The following RFTN1 variants were observed in gnomAD, a reference collection of about 807,000 sequenced individuals.
RFTN1 encodes raftlin.
RFTN1 carries 26 observed loss-of-function variants against 46.5 expected under a neutral mutation model. The observed-to-expected ratio is 0.56, with a 90% CI of 0.41 to 0.78. The LOEUF (loss-of-function observed/expected upper bound fraction) is 0.78, where lower values mean the gene tolerates loss of function less well. Among genes scored for constraint, RFTN1 ranks in the 30% least tolerant of loss-of-function variants. The pLI is 0.00. For missense variants in RFTN1, 693 were observed against 718.7 expected, an observed-to-expected ratio of 0.96 and a Z score of 0.41; for synonymous variants, 261 against 284.2, an observed-to-expected ratio of 0.92 and a Z score of 0.82.
Position 16,382,398 on chromosome 3 carries a change from C to T in RFTN1, c.442-4296G>A, listed in dbSNP as rs1323545255. On this transcript the variant is annotated intron_variant, in intron 4 of 9. Coordinates refer to ENST00000334133, the MANE Select transcript of RFTN1 (RefSeq NM_015150.2). The surrounding 1 kb of genome is among the most constrained non-coding windows in gnomAD (Gnocchi z 4.7). ...CGTGTACTTATGGCTAAAGTAAATC[C>T]TGCTTCTCATTCTTGCATTTATAAC... 6.6e-6 allele frequency among the ~76,000 whole-genome samples: 1 copy of T among 152,140 alleles called. No homozygotes were observed. Among genetic ancestry groups the T allele is most frequent in the African/African-American group, 2.4e-5 (1 of 41,412 alleles).
In RFTN1 at chr3:16,483,071, A is replaced by C. The variant is rs1189937784; in HGVS notation, c.145+10654T>G. Among the ~76,000 whole-genome samples the C allele has an allele frequency of 1.3e-5, 2 of 152,216 alleles. No individual in the cohort carries two copies. Among genetic ancestry groups the C allele is most frequent in the South Asian group, 2.1e-4 (1 of 4,836 alleles). Reference sequence around the variant, plus strand: ...ACTTAGAAAAAATGCCATCAACGTCAGTGACTGTATGCTCAGTTCTGCTGA... The same window carrying C: ...ACTTAGAAAAAATGCCATCAACGTCCGTGACTGTATGCTCAGTTCTGCTGA... On this transcript the variant is annotated intron_variant, in intron 2 of 9. Coordinates refer to ENST00000334133, the MANE Select transcript of RFTN1 (RefSeq NM_015150.2). This position sits in a 1 kb window ranked among gnomAD's most constrained non-coding sequence, Gnocchi z 4.8.
chr3:16,319,015 G>A (rs1306185506), intron 9 of RFTN1, among the ~76,000 whole-genome samples: 3 of 152,196 alleles, frequency 2.0e-5, no homozygotes, highest in Non-Finnish European at 4.4e-5. Flanking sequence ...CAGCATGACC[G>A]TGGCTGCCTC....
Position 16,418,657 on chromosome 3 carries a change from T to G in RFTN1, c.333-9174A>C, listed in dbSNP as rs1394876139. Among the ~76,000 whole-genome samples the G allele has an allele frequency of 6.7e-6, 1 of 149,242 alleles. No homozygotes were observed. The highest frequency in any genetic ancestry group is 2.5e-5 in the African/African-American group (1 of 40,490). ...TTCCCAAAGCAACACCAAGCTCAAA[T>G]AGAATAATCAGAACAGCTTATTTTT... On this transcript the variant is annotated intron_variant, in intron 3 of 9. Transcript: ENST00000334133. This position sits in a 1 kb window ranked among gnomAD's most constrained non-coding sequence, Gnocchi z 5.0.
At chr3:16,364,139 C>T (rs990326503) in intron 6 of RFTN1, among the ~76,000 whole-genome samples, 4 of 152,238 alleles carry the variant, frequency 2.6e-5, no homozygotes, top group Non-Finnish European at 5.9e-5. Context: ...AAAGATATTA[C>T]TCCTCTTCAG....
At chr3:16,403,757 A>T (rs1332273361) in intron 4 of RFTN1, among the ~76,000 whole-genome samples, 2 of 18,248 alleles carry the variant, frequency 1.1e-4, no homozygotes, top group Non-Finnish European at 1.6e-4. Flanking sequence ...ATTATATATA[A>T]AATATATAAT....
In RFTN1 at chr3:16,372,055, G is replaced by A. The variant is rs2073531821; in HGVS notation, c.827-1776C>T. On this transcript the variant is annotated intron_variant, in intron 5 of 9. Coordinates refer to ENST00000334133, the MANE Select transcript of RFTN1 (RefSeq NM_015150.2). ...AAAGCTGCAGCTACCGAGGGCAAGA[G>A]GATAAGCAAGGTTTTAGTGAGTTCT... Among the ~76,000 whole-genome samples the A allele has an allele frequency of 2.0e-5, 3 of 152,160 alleles. No individual in the cohort carries two copies. In the South Asian group the frequency reaches 6.2e-4, roughly 31 times the overall value.
rs948885049 is a variant in RFTN1, at chr3:16,506,337, C to T, written c.-9+7105G>A. ...GTCAAACAGGGCTGGGGAGACAGAGCGTAGGCCTGGCCGGGCCGTGAGCAC... is the reference window on the plus strand; with the variant it reads ...GTCAAACAGGGCTGGGGAGACAGAGTGTAGGCCTGGCCGGGCCGTGAGCAC... On this transcript the variant is annotated intron_variant, in intron 1 of 9. Coordinates refer to ENST00000334133, the MANE Select transcript of RFTN1 (RefSeq NM_015150.2). The surrounding 1 kb of genome is among the most constrained non-coding windows in gnomAD (Gnocchi z 4.8). 9.9e-5 allele frequency among the ~76,000 whole-genome samples: 15 copies of T among 152,066 alleles called. No homozygotes were observed. The highest frequency in any genetic ancestry group is 2.7e-4 in the African/African-American group (11 of 41,404).
chr3:16,490,070 A>C (rs1023916880), intron 2 of RFTN1, among the ~76,000 whole-genome samples: 5 of 152,256 alleles, frequency 3.3e-5, no homozygotes, highest in African/African-American at 1.2e-4. Flanking sequence ...CGCCAGGGAA[A>C]GGAGTCAGCA....
rs2125195840 is a variant in RFTN1 at position 16,322,440 on chromosome 3, C to T, written c.1332+936G>A. On this transcript the variant is annotated intron_variant, in intron 9 of 9. Coordinates refer to ENST00000334133, the MANE Select transcript of RFTN1 (RefSeq NM_015150.2). The surrounding 1 kb of genome is among the most constrained non-coding windows in gnomAD (Gnocchi z 6.2). Reference sequence around the variant, plus strand: ...CATGAGGAACCAAGCGTGAGGAATGCAGGAGTGATGCCAGGAGTGAGGAGC... The same window carrying T: ...CATGAGGAACCAAGCGTGAGGAATGTAGGAGTGATGCCAGGAGTGAGGAGC... 6.6e-6 allele frequency among the ~76,000 whole-genome samples: 1 copy of T among 152,318 alleles called. No individual in the cohort carries two copies. The highest frequency in any genetic ancestry group is 1.9e-4 in the East Asian group (1 of 5,168).
rs920859876 is a variant in RFTN1, at chr3:16,422,254, C to A, written c.332+11597G>T. Among the ~76,000 whole-genome samples, 10 of 152,158 alleles carry A rather than the reference C, an allele frequency of 6.6e-5. No individual in the cohort carries two copies. The highest frequency in any genetic ancestry group is 4.6e-4 in the Admixed American group (7 of 15,274). On this transcript the variant is annotated intron_variant, in intron 3 of 9. Transcript: ENST00000334133. The surrounding 1 kb of genome is among the most constrained non-coding windows in gnomAD (Gnocchi z 4.6). The stretch of plus-strand genomic sequence containing the variant: ...TGTGTTAATGTAACTACAATTTCAA[C>A]AGAGTTTACCAGGAACTGAAGAAAT...
At chr3:16,389,696 C>A (rs1047273134) in intron 4 of RFTN1, among the ~76,000 whole-genome samples, 1 of 152,144 alleles carries the variant, frequency 6.6e-6, no homozygotes, top group Non-Finnish European at 1.5e-5. Flanking sequence ...TGTTGGAATT[C>A]ATGTATGTGG....
At chr3:16,347,951 T>C (rs1276343866) in intron 7 of RFTN1, 1 of 151,934 alleles carries the variant, frequency 6.6e-6, no homozygotes, top group Non-Finnish European at 1.5e-5. Flanking sequence ...TACAACAGAG[T>C]AGAAGCAGCC....
chr3:16,502,929 T>A (rs1473716993), intron 1 of RFTN1, among the ~76,000 whole-genome samples: 2 of 152,192 alleles, frequency 1.3e-5, no homozygotes, highest in African/African-American at 4.8e-5. Context: ...ATCCAGGCAG[T>A]TCATGTTAAC....
chr3:16,366,466 C>T (rs526100), intron 6 of RFTN1, among the ~76,000 whole-genome samples: 85,927 of 144,242 alleles, frequency 0.6, 25,191 homozygotes, highest in South Asian at 0.71. Flanking sequence ...TTGCTTCCAT[C>T]GGGTCCTGCC....
chr3:16,358,018 A>T lies in RFTN1; in HGVS notation c.1060T>A (p.Phe354Ile). The T allele has an allele frequency of 3.7e-6, 6 of 1,602,892 alleles. No homozygotes were observed. The highest frequency in any genetic ancestry group is 5.1e-6 in the Non-Finnish European group (6 of 1,172,880). ...DSLHGLTDGV[F>I]IFEAVSTEDS... ...TCTGTGGAAACAGCTTCAAAGATGAATACTCCATCTGTCAAGCCATGTAAG... is the reference window on the plus strand; with the variant it reads ...TCTGTGGAAACAGCTTCAAAGATGATTACTCCATCTGTCAAGCCATGTAAG... The change falls in exon 7 of 10, where the codon TTC (phenylalanine) becomes ATC (isoleucine). Residue 354 changes from phenylalanine to isoleucine, a missense_variant. Transcript: ENST00000334133.
chr3:16,345,264 T>TTTGTGTGTGTGTGTGTG lies in RFTN1; in HGVS notation c.1146+12667_1146+12668insCACACACACACACACAA, dbSNP rs1491581919. On this transcript the variant is annotated intron_variant, in intron 7 of 9. Coordinates refer to ENST00000334133, the MANE Select transcript of RFTN1 (RefSeq NM_015150.2). This position sits in a 1 kb window ranked among gnomAD's most constrained non-coding sequence, Gnocchi z 5.2. ...AAACTGTAAGATAATAAGTAGGTGGTTGTGTGTGTGTGTGTGTGTGTGTGT... is the reference window on the plus strand; with the variant it reads ...AAACTGTAAGATAATAAGTAGGTGGTTTGTGTGTGTGTGTGTGTGTGTGTGTGTGTGTGTGTGTGTGT... 112 of 145,930 alleles carry TTTGTGTGTGTGTGTGTG rather than the reference T, an allele frequency of 7.7e-4. 1 individual carries two copies. The highest frequency in any genetic ancestry group is 2.7e-3 in the African/African-American group (103 of 37,852). The allele number at this position is 145,930 out of a possible 1,614,324, so 9.0% of individuals were successfully genotyped here.
At position 16,426,264 on chromosome 3, in the gene RFTN1, C is replaced by G. The variant is rs2075288295; in HGVS notation, c.332+7587G>C. On this transcript the variant is annotated intron_variant, in intron 3 of 9. Transcript: ENST00000334133. The surrounding 1 kb of genome is among the most constrained non-coding windows in gnomAD (Gnocchi z 5.9). ...CACACCCCAGTAGGCGCTACCACCC[C>G]CTGTGTATTTCGCTTAATTATGAAA... Among the ~76,000 whole-genome samples the G allele has an allele frequency of 6.6e-6, 1 of 152,184 alleles. No individual in the cohort carries two copies. The highest frequency in any genetic ancestry group is 1.5e-5 in the Non-Finnish European group (1 of 68,032).
At chr3:16,454,837 T>C (rs2075878002) in intron 2 of RFTN1, 1 of 949,996 alleles carries the variant, frequency 1.1e-6, no homozygotes. Context: ...GTTCATTTTC[T>C]TCTCCTCACA....
At chr3:16,373,394 T>C (rs1341901127) in intron 5 of RFTN1, among the ~76,000 whole-genome samples, 1 of 152,166 alleles carries the variant, frequency 6.6e-6, no homozygotes, top group African/African-American at 2.4e-5. Context: ...TAAGGGGGCA[T>C]GGGGCCCAAG....
Sources: allele counts gnomAD v4.1 joint callset (sites outside exome capture counted in the v4.1 genomes callset), GRCh38; gene constraint gnomAD v4.1.1; non-coding constraint Gnocchi (gnomAD v3.1); transcripts MANE v1.5; gene names NCBI Gene and HGNC (gene_info 2026-07-23, HGNC 2026-07-21).